ADAMTSL1: variants seen among roughly 807,000 people sequenced by gnomAD.
ADAMTSL1 encodes ADAMTS like 1.
ADAMTSL1 carries 126 observed loss-of-function variants against 201.8 expected under a neutral mutation model. That is an observed-to-expected ratio of 0.62 (90% CI 0.54 to 0.72). The LOEUF is 0.72. Ranked by LOEUF, ADAMTSL1 falls within the 30% of genes least tolerant of loss-of-function variation. The pLI is 0.00. For missense variants in ADAMTSL1, 2,679 were observed against 2,277.8 expected (o/e 1.18, Z -3.59); for synonymous variants, 1,121 against 903.4 (o/e 1.24, Z -4.32).
intron 4 of ADAMTSL1, among the ~76,000 whole-genome samples, chr9:18,579,901 A>G (rs868200052): frequency 6.6e-6 from 1 of 152,212 alleles, no homozygotes; most frequent in Non-Finnish European, 1.5e-5. Flanking sequence ...TGTTTTAAAT[A>G]TATTTTTTAA....
chr9:18,339,044 T>C (rs1052669099), intron 2 of ADAMTSL1, among the ~76,000 whole-genome samples: 1 of 152,162 alleles, frequency 6.6e-6, no homozygotes, highest in Non-Finnish European at 1.5e-5. Context: ...TTAGGTTAAT[T>C]CCATGTCTTT....
chr9:18,886,191 T>TACACAC lies in ADAMTSL1; in HGVS notation c.4250-1639_4250-1638insCACACA, dbSNP rs1563888167. ...GTATATATATATATATATATATATA[T>TACACAC]ATATATATATATATATATATACACA... On this transcript the variant is annotated intron_variant, in intron 23 of 28. Transcript: ENST00000380548. Among the ~76,000 whole-genome samples the TACACAC allele has an allele frequency of 3.4e-4, 45 of 130,790 alleles. No individual in the cohort carries two copies. In the East Asian group the frequency reaches 8.9e-3, roughly 26 times the overall value. 85.8% of individuals were successfully genotyped at this position (130,790 alleles called of 152,430 possible). A position where few individuals can be genotyped will look rare whatever the true frequency, so the allele number is the denominator to read the frequency against.
chr9:18,260,285 A>G (rs1300101454), intron 2 of ADAMTSL1, among the ~76,000 whole-genome samples: 1 of 152,252 alleles, frequency 6.6e-6, no homozygotes, highest in South Asian at 2.1e-4. Context: ...GCATGCTTCC[A>G]GTACCAAATC....
At chr9:18,656,619 A>G (rs1828688762) in intron 7 of ADAMTSL1, among the ~76,000 whole-genome samples, 1 of 122,732 alleles carries the variant, frequency 8.1e-6, no homozygotes, top group Non-Finnish European at 1.7e-5. Flanking sequence ...ACAGAGCAAG[A>G]CTCCATCGCA....
At chr9:18,128,522 G>A (rs981823032) in intron 1 of ADAMTSL1, among the ~76,000 whole-genome samples, 1 of 152,032 alleles carries the variant, frequency 6.6e-6, no homozygotes, top group African/African-American at 2.4e-5. Flanking sequence ...TTTTGCCCAG[G>A]CTGGTCTCAA....
chr9:18,761,028 A>G (rs1348033167), intron 16 of ADAMTSL1, among the ~76,000 whole-genome samples: 1 of 152,224 alleles, frequency 6.6e-6, no homozygotes, highest in Admixed American at 6.5e-5. Context: ...CCCAGCATCC[A>G]ATACAGTGCC....
At chr9:18,698,250 T>C (rs7018618) in intron 13 of ADAMTSL1, among the ~76,000 whole-genome samples, 48,083 of 152,022 alleles carry the variant, frequency 0.32, 8,171 homozygotes, top group Non-Finnish European at 0.39. Flanking sequence ...CATTGGAAGA[T>C]AGCACAAAGC....
At chr9:18,189,945 A>G (rs770571000) in intron 2 of ADAMTSL1, among the ~76,000 whole-genome samples, 4 of 152,192 alleles carry the variant, frequency 2.6e-5, no homozygotes, top group Non-Finnish European at 5.9e-5. Flanking sequence ...CTGCATTTTA[A>G]AAGAGCCTGT....
intron 15 of ADAMTSL1, among the ~76,000 whole-genome samples, chr9:18,745,949 C>G (rs937199861): frequency 3.9e-5 from 6 of 152,286 alleles, no homozygotes; most frequent in African/African-American, 1.4e-4. Context: ...CCCACCAAAC[C>G]TCACACTAAA....
chr9:18,080,109 C>G (rs937490811), intron 1 of ADAMTSL1, among the ~76,000 whole-genome samples: 3 of 152,048 alleles, frequency 2.0e-5, no homozygotes, highest in Admixed American at 2.0e-4. Context: ...AATGGGAGGT[C>G]AAGGAGTGAG....
At chr9:18,639,221 C>A in intron 6 of ADAMTSL1, 33 bp from the exon 7 acceptor site, 3 of 1,609,620 alleles carry the variant, frequency 1.9e-6, no homozygotes, top group Non-Finnish European at 2.5e-6. Flanking sequence ...CTAGGAACAT[C>A]TTTCTCTCAT....
At chr9:18,015,074 T>C (rs959034838) in intron 1 of ADAMTSL1, among the ~76,000 whole-genome samples, 7 of 152,062 alleles carry the variant, frequency 4.6e-5, no homozygotes, top group African/African-American at 1.7e-4. Context: ...TGCTAAATCT[T>C]ATTTTGTTAA....
intron 9 of ADAMTSL1, among the ~76,000 whole-genome samples, chr9:18,667,405 C>T (rs1829515383): frequency 6.6e-6 from 1 of 152,074 alleles, no homozygotes; most frequent in African/African-American, 2.4e-5. Context: ...ACCAACTAGT[C>T]AATGGCAATA....
At chr9:18,582,578 G>C (rs1270759826) in intron 4 of ADAMTSL1, among the ~76,000 whole-genome samples, 1 of 152,144 alleles carries the variant, frequency 6.6e-6, no homozygotes, top group Non-Finnish European at 1.5e-5. Flanking sequence ...GCTGGGTGCA[G>C]TGGCTCACAC....
At chr9:18,276,941 A>ATGC (rs75032352) in intron 2 of ADAMTSL1, among the ~76,000 whole-genome samples, 28,121 of 152,018 alleles carry the variant, frequency 0.18, 3,386 homozygotes, top group Admixed American at 0.39. Flanking sequence ...ATCAATGTGT[A>ATGC]TGCTGCATCC....
chr9:18,541,504 C>G (rs530574153), intron 3 of ADAMTSL1, among the ~76,000 whole-genome samples: 1 of 150,164 alleles, frequency 6.7e-6, no homozygotes. Flanking sequence ...GAGCAAAACT[C>G]CATCTCAAAG....
At chr9:18,900,933 C>A (rs7874517) in intron 26 of ADAMTSL1, among the ~76,000 whole-genome samples, 107,788 of 151,952 alleles carry the variant, frequency 0.71, 39,030 homozygotes, top group African/African-American at 0.87. Flanking sequence ...AAAGAAAGAA[C>A]TATCAAAGAC....
intron 25 of ADAMTSL1, among the ~76,000 whole-genome samples, chr9:18,891,172 C>A (rs904364324): frequency 6.6e-6 from 1 of 152,228 alleles, no homozygotes; most frequent in African/African-American, 2.4e-5. Flanking sequence ...AGATGTGGCG[C>A]CGCTTGGCTA....
chr9:18,239,189 G>A (rs190380913), intron 2 of ADAMTSL1, among the ~76,000 whole-genome samples: 172 of 152,252 alleles, frequency 1.1e-3, no homozygotes, highest in Admixed American at 2.7e-3. Flanking sequence ...GGGTAGGGTA[G>A]CTGTAATAAT....
Sources: allele counts gnomAD v4.1 joint callset (sites outside exome capture counted in the v4.1 genomes callset), GRCh38; gene constraint gnomAD v4.1.1; transcripts MANE v1.5; gene names NCBI Gene and HGNC (gene_info 2026-07-23, HGNC 2026-07-21).